STS: variants seen among roughly 807,000 people sequenced by gnomAD.
STS encodes steryl-sulfatase.
STS carries 7 observed loss-of-function variants against 26.8 expected under a neutral mutation model. That is an observed-to-expected ratio of 0.26 (90% CI 0.15 to 0.49). The LOEUF is 0.49. STS is among the 20% of genes least tolerant of loss of function. The pLI, the probability that STS is intolerant of heterozygous loss-of-function variation, is 0.98. For missense variants in STS, 434 were observed against 465.6 expected (o/e 0.93, Z 0.63); for synonymous variants, 199 against 189.4 (o/e 1.05, Z -0.42).
chrX:7,219,388 C>T, intron 2 of STS: 1 of 1,019,320 alleles, frequency 9.8e-7, no homozygotes, highest in Non-Finnish European at 1.2e-6. Flanking sequence ...ACCAGGATCA[C>T]CTGAAACTCC....
chrX:7,340,709 A>G (rs1241125342), intron 10 of STS, among the ~76,000 whole-genome samples: 1 of 112,330 alleles, frequency 8.9e-6, no homozygotes, highest in South Asian at 3.7e-4. Flanking sequence ...TTATATCTCC[A>G]TCTCATGGGT....
chrX:7,270,566 T>G (rs1414495474), intron 6 of STS, among the ~76,000 whole-genome samples: 1 of 112,127 alleles, frequency 8.9e-6, no homozygotes, highest in Non-Finnish European at 1.9e-5. Context: ...TTTCTGGGTT[T>G]GTTTTTGTAT....
chrX:7,348,746 G>T (rs1928635038), intron 10 of STS, among the ~76,000 whole-genome samples: 1 of 111,799 alleles, frequency 8.9e-6, no homozygotes, highest in African/African-American at 3.2e-5. Flanking sequence ...TTCTGGTGTT[G>T]ATGAATTCCC....
chrX:7,209,502 ATT>A, intron 2 of STS, among the ~76,000 whole-genome samples: 1 of 105,470 alleles, frequency 9.5e-6, no homozygotes, highest in African/African-American at 3.4e-5. Flanking sequence ...AAAATATATG[ATT>A]AAAAATGAAA....
intron 7 of STS, among the ~76,000 whole-genome samples, chrX:7,281,036 C>T (rs1033838654): frequency 9.0e-6 from 1 of 111,508 alleles, no homozygotes; most frequent in East Asian, 2.8e-4. Flanking sequence ...CATGGTGTCA[C>T]ATGCTTGTAA....
chrX:7,182,114 G>A (rs1933692444), intron 1 of STS, among the ~76,000 whole-genome samples: 1 of 111,473 alleles, frequency 9.0e-6, no homozygotes, highest in Non-Finnish European at 1.9e-5. Flanking sequence ...AACCAATGAT[G>A]ATTATTTTTG....
At chrX:7,282,486 C>T (rs1924918413) in intron 7 of STS, among the ~76,000 whole-genome samples, 1 of 112,211 alleles carries the variant, frequency 8.9e-6, no homozygotes, top group African/African-American at 3.2e-5. Context: ...CAGGCGTGAG[C>T]CTCCATGCTT....
chrX:7,259,977 G>A (rs772460145), intron 6 of STS, among the ~76,000 whole-genome samples: 33 of 111,391 alleles, frequency 3.0e-4, no homozygotes, highest in African/African-American at 1.0e-3. Flanking sequence ...CCGAGTTCAC[G>A]CCATTCTCCT....
At chrX:7,163,635 CT>C (rs1176376030) in intron 1 of STS, among the ~76,000 whole-genome samples, 1 of 112,508 alleles carries the variant, frequency 8.9e-6, no homozygotes, top group African/African-American at 3.2e-5. Context: ...CTTTTCAAAT[CT>C]TGCCTTCAGA....
At chrX:7,166,688 T>C (rs1933357081) in intron 1 of STS, among the ~76,000 whole-genome samples, 1 of 111,842 alleles carries the variant, frequency 8.9e-6, no homozygotes, top group African/African-American at 3.3e-5. Context: ...ACTCAGAAGA[T>C]TTTTAGTTGG....
At chrX:7,272,568 C>T (rs767128609) in intron 6 of STS, among the ~76,000 whole-genome samples, 2 of 112,199 alleles carry the variant, frequency 1.8e-5, no homozygotes, top group South Asian at 7.5e-4. Flanking sequence ...GAAGTCTAAA[C>T]CATATGCAAC....
chrX:7,299,488 A>T (rs1427999886), intron 7 of STS, among the ~76,000 whole-genome samples: 3 of 106,056 alleles, frequency 2.8e-5, no homozygotes, highest in Non-Finnish European at 5.8e-5. Flanking sequence ...TGTGTGTGTT[A>T]TATATAATAT....
intron 9 of STS, among the ~76,000 whole-genome samples, chrX:7,328,116 G>A (rs1306750367): frequency 9.0e-6 from 1 of 111,727 alleles, no homozygotes; most frequent in Non-Finnish European, 1.9e-5. Flanking sequence ...CTCCTTGGCT[G>A]TAGTTCTTAC....
intron 2 of STS, among the ~76,000 whole-genome samples, chrX:7,214,930 TGTATATATATATACATATATAC>T (rs1359245189): frequency 2.0e-5 from 2 of 98,465 alleles, no homozygotes; most frequent in East Asian, 6.1e-4. Context: ...TGTGTGTGTG[TGTATATATATATACATATATAC>T]GTATATATAT....
rs1005347385 is a variant in STS at position 7,276,098 on chromosome X, C to T, written c.943+11C>T. 1.1e-5 allele frequency: 13 copies of T among 1,205,284 alleles called. No homozygotes were observed. Among genetic ancestry groups the T allele is most frequent in the Non-Finnish European group, 1.5e-5 (13 of 893,188 alleles). On this transcript the variant is annotated intron_variant, in intron 7 of 10. Coordinates refer to ENST00000674429, the MANE Select transcript of STS (RefSeq NM_001320752.2). ...TGGACTGGAGTGTGGGTACGTTTCTCCTCAGTGAGTGCTTAGAAAGCTGCT... is the reference window on the plus strand; with the variant it reads ...TGGACTGGAGTGTGGGTACGTTTCTTCTCAGTGAGTGCTTAGAAAGCTGCT...
intron 7 of STS, among the ~76,000 whole-genome samples, chrX:7,299,012 A>ATATAAATAAAAT (rs1569217079): frequency 3.0e-5 from 2 of 67,437 alleles, no homozygotes; most frequent in Non-Finnish European, 5.6e-5. Context: ...ATATATTTAT[A>ATATAAATAAAAT]TATATATAAA....
chrX:7,287,061 G>T (rs1925168066), intron 7 of STS, among the ~76,000 whole-genome samples: 1 of 111,304 alleles, frequency 9.0e-6, no homozygotes, highest in African/African-American at 3.3e-5. Flanking sequence ...TGAGATGCTC[G>T]CTGACTGTCC....
intron 2 of STS, among the ~76,000 whole-genome samples, chrX:7,224,371 G>T (rs1921711304): frequency 9.0e-6 from 1 of 111,061 alleles, no homozygotes; most frequent in Non-Finnish European, 1.9e-5. Flanking sequence ...AACCTCCCTG[G>T]ACTTCAGTCC....
chrX:7,240,489 A>ATGTGTG (rs1459277833), intron 2 of STS, among the ~76,000 whole-genome samples: 1 of 45,034 alleles, frequency 2.2e-5, no homozygotes, highest in African/African-American at 7.8e-5. Flanking sequence ...ACACACAGAT[A>ATGTGTG]TGTATGTGTG....
Sources: allele counts gnomAD v4.1 joint callset (sites outside exome capture counted in the v4.1 genomes callset), GRCh38; gene constraint gnomAD v4.1.1; transcripts MANE v1.5; gene names NCBI Gene and HGNC (gene_info 2026-07-23, HGNC 2026-07-21).